TUBGCP5: variants seen among roughly 807,000 people sequenced by gnomAD.
TUBGCP5 encodes the protein gamma-tubulin complex component 5.
TUBGCP5 carries 98 observed loss-of-function variants against 134.7 expected under a neutral mutation model. The ratio of observed to expected loss-of-function variants is 0.73; its 90% CI spans 0.62 to 0.86. The LOEUF (loss-of-function observed/expected upper bound fraction) is 0.86, where lower values mean the gene tolerates loss of function less well. Ranked by LOEUF, TUBGCP5 falls within the 40% of genes least tolerant of loss-of-function variation. TUBGCP5 has a pLI of 0.00. For synonymous variants in TUBGCP5, 456 were observed against 431.4 expected, an observed-to-expected ratio of 1.06 and a Z score of -0.71; for missense variants, 1,150 against 1,244.8, an observed-to-expected ratio of 0.92 and a Z score of 1.15.
At position 23,011,180 on chromosome 15, in the gene TUBGCP5, A is replaced by G. The variant is rs780394282; in HGVS notation, c.1908T>C (p.Leu636=). ...GTGGATCATGAACATCATCCAGTTCAAGATGGCTTTCAGCAATGGACTGCA... is the reference window on the plus strand; with the variant it reads ...GTGGATCATGAACATCATCCAGTTCGAGATGGCTTTCAGCAATGGACTGCA... The part of the protein sequence containing the change: ...MKMQSIAESH[L]ELDDVHDPLL... The change falls in exon 14 of 23, where the codon CTT becomes CTC. Residue 636 remains leucine, a synonymous_variant. Transcript: ENST00000615383. 1 of 1,614,022 alleles carries G rather than the reference A, an allele frequency of 6.2e-7. No homozygotes were observed. Among genetic ancestry groups the G allele is most frequent in the Non-Finnish European group, 8.5e-7 (1 of 1,180,008 alleles).
At chr15:22,986,139 A>AT (rs2063672439) in intron 23 of TUBGCP5, among the ~76,000 whole-genome samples, 2 of 131,510 alleles carry the variant, frequency 1.5e-5, no homozygotes, top group African/African-American at 6.2e-5. Flanking sequence ...GTCTCAAAAA[A>AT]AAAAAAAAAA....
intron 19 of TUBGCP5, 119 bp downstream of exon 19, chr15:23,005,311 TAC>T: frequency 8.7e-7 from 1 of 1,149,512 alleles, no homozygotes; most frequent in South Asian, 1.7e-5. Context: ...TCAAATTTGC[TAC>T]ATGTCCCGTT....
intron 10 of TUBGCP5, chr15:23,023,539 T>C (rs2065828615): frequency 6.1e-6 from 1 of 163,690 alleles, no homozygotes; most frequent in African/African-American, 2.4e-5. Flanking sequence ...TCTTCATATA[T>C]GTATGGTATT....
intron 23 of TUBGCP5, among the ~76,000 whole-genome samples, chr15:22,989,399 C>T (rs1056677376): frequency 2.6e-5 from 4 of 152,156 alleles, no homozygotes; most frequent in Admixed American, 1.3e-4. Flanking sequence ...TCTAGCAACA[C>T]GAGGTGTGTG....
chr15:23,005,647 G>A (rs764940447), intron 18 of TUBGCP5, 37 bp from the exon 19 acceptor site: 36 of 1,592,836 alleles, frequency 2.3e-5, no homozygotes, highest in Non-Finnish European at 3.1e-5. Context: ...GACAGAAAGA[G>A]CATCAACTCA....
In TUBGCP5 at chr15:23,033,108, T is replaced by C. The variant is rs183528854; in HGVS notation, c.310-284A>G. 2.2e-4 allele frequency among the ~76,000 whole-genome samples: 34 copies of C among 152,324 alleles called. No individual in the cohort carries two copies. The East Asian group carries it at 6.6e-3, about 29-fold the overall frequency. On this transcript the variant is annotated intron_variant, in intron 3 of 22. Coordinates refer to ENST00000615383, the MANE Select transcript of TUBGCP5 (RefSeq NM_052903.6). ...ATTTCTAAAACGACGGAAATGTCTTTAGAGTATAACATTATGGTTAAAAAT... is the reference window on the plus strand; with the variant it reads ...ATTTCTAAAACGACGGAAATGTCTTCAGAGTATAACATTATGGTTAAAAAT...
At chr15:22,984,940 A>T (rs1461896398) in intron 23 of TUBGCP5, among the ~76,000 whole-genome samples, 1 of 152,230 alleles carries the variant, frequency 6.6e-6, no homozygotes, top group African/African-American at 2.4e-5. Flanking sequence ...GTGAAAAGAC[A>T]TAGACAATAT....
In TUBGCP5 at chr15:22,999,809, G is replaced by C. The variant is rs146068854; in HGVS notation, c.*11C>G. On this transcript the variant is annotated 3_prime_UTR_variant, in exon 23 of 23. Transcript: ENST00000615383. ...TGACAAAGTCGGAGATATTTATTAC[G>C]CTGAAGACATTTAACTTTGTTCCAT... 1 of 1,612,160 alleles carries C rather than the reference G, an allele frequency of 6.2e-7. No individual in the cohort carries two copies. Among genetic ancestry groups the C allele is most frequent in the South Asian group, 1.1e-5 (1 of 91,044 alleles).
rs60178499 is a variant in TUBGCP5, at chr15:22,985,834, C to CA, written c.*62-2224dup. Among the ~76,000 whole-genome samples the CA allele has an allele frequency of 8.0e-3, 1,189 of 149,324 alleles. 17 individuals are homozygous for CA. Among genetic ancestry groups the CA allele is most frequent in the African/African-American group, 0.026 (1,043 of 40,484 alleles). ...TGGGCGACAGAGTGAGACTCCATCTCAAAAAAAAGAAATAATAGGCCGGGC... is the reference window on the plus strand; with the variant it reads ...TGGGCGACAGAGTGAGACTCCATCTCAAAAAAAAAGAAATAATAGGCCGGGC... On this transcript the variant is annotated intron_variant and NMD_transcript_variant, in intron 23 of 23. Transcript: ENST00000614508.
At position 23,039,501 on chromosome 15, in the gene TUBGCP5, G is replaced by A; in HGVS notation, c.43C>T (p.Gln15Ter). 1 of 1,511,568 alleles carries A rather than the reference G, an allele frequency of 6.6e-7. No homozygotes were observed. The highest frequency in any genetic ancestry group is 2.7e-5 in the East Asian group (1 of 36,820). The allele number at this position is 1,511,568 out of a possible 1,614,324, so 93.6% of individuals were successfully genotyped here. A position where few individuals can be genotyped will look rare whatever the true frequency, so the allele number is the denominator to read the frequency against. Residue 15 changes from glutamine to a stop codon, truncating the protein, a stop_gained, in exon 1 of 23, where the codon CAG becomes TAG. Transcript: ENST00000615383. LOFTEE classifies it high-confidence loss of function. ...ACGAGCTCCCGCACGTCGCGCTCCT[G>A]CTGCGCGTCCAACCGACTCCACGGT... ...GPPWSRLDAQ[Q>*]ERDVRELVRG...
chr15:23,024,221 C>A (rs1034653878), intron 9 of TUBGCP5, 28 bp from the exon 10 acceptor site: 8 of 1,604,194 alleles, frequency 5.0e-6, no homozygotes, highest in Non-Finnish European at 8.5e-7. Flanking sequence ...TGCAATTATT[C>A]AAAGGTGGTC....
At chr15:23,019,878 T>G (rs1225686567) in intron 11 of TUBGCP5, among the ~76,000 whole-genome samples, 2 of 151,932 alleles carry the variant, frequency 1.3e-5, no homozygotes, top group Non-Finnish European at 2.9e-5. Context: ...ACTGGGAAAC[T>G]TGAGAGTGAA....
downstream of TUBGCP5, among the ~76,000 whole-genome samples, chr15:22,998,310 A>G (rs1018023391): frequency 6.6e-6 from 1 of 152,148 alleles, no homozygotes. Flanking sequence ...GTGAGCCTCC[A>G]CATTTCAAAA....
chr15:23,014,371 C>A (rs1365678095), intron 13 of TUBGCP5, among the ~76,000 whole-genome samples: 1 of 152,206 alleles, frequency 6.6e-6, no homozygotes, highest in South Asian at 2.1e-4. Context: ...CCATAGGCAG[C>A]GCCTGGGAGT....
chr15:23,030,184 G>A (rs1271248028), intron 6 of TUBGCP5, among the ~76,000 whole-genome samples: 6 of 152,040 alleles, frequency 3.9e-5, no homozygotes, highest in African/African-American at 1.2e-4. Flanking sequence ...AACAGAGTGA[G>A]ACCCTTGTCT....
intron 10 of TUBGCP5, 162 bp downstream of exon 10, chr15:23,023,785 T>A (rs1190691646): frequency 1.5e-6 from 1 of 657,288 alleles, no homozygotes; most frequent in African/African-American, 1.8e-5. Context: ...TTTAGAGATA[T>A]GAATGGCTTA....
rs202169764 is a variant in TUBGCP5, at chr15:23,000,313, CA to C, written c.3028+255del. On this transcript the variant is annotated intron_variant, in intron 22 of 22. Transcript: ENST00000615383. ...GTGTGACAGAAATCTATTCTGCCATCAACTTTATTTAATAGGAGTTTTAGAA... is the reference window on the plus strand; with the variant it reads ...GTGTGACAGAAATCTATTCTGCCATCACTTTATTTAATAGGAGTTTTAGAA... The C allele has an allele frequency of 2.2e-3, 2,838 of 1,274,064 alleles. 50 individuals carry two copies. The African/African-American group carries it at 0.04, about 18-fold the overall frequency. 78.9% of individuals were successfully genotyped at this position (1,274,064 alleles called of 1,614,324 possible).
chr15:23,016,898 C>G (rs2065351752), intron 13 of TUBGCP5, among the ~76,000 whole-genome samples: 1 of 149,368 alleles, frequency 6.7e-6, no homozygotes, highest in Non-Finnish European at 1.5e-5. Flanking sequence ...TACTGCAGCA[C>G]TATTCACACA....
chr15:23,039,426 C>A lies in TUBGCP5; in HGVS notation c.118G>T (p.Ala40Ser), dbSNP rs764022602. The A allele has an allele frequency of 4.6e-6, 7 of 1,528,150 alleles. No homozygotes were observed. In the East Asian group the frequency reaches 1.6e-4, roughly 34 times the overall value. 94.7% of individuals were successfully genotyped at this position (1,528,150 alleles called of 1,614,324 possible). Residue 40 changes from alanine to serine, a missense_variant, in exon 1 of 23, where the codon GCC (alanine) becomes TCC (serine). Around this residue, in one of 2 missense-constraint regions of TUBGCP5, gnomAD observed 453 missense variants for 394.7 expected, o/e 1.15. Coordinates refer to ENST00000615383, the MANE Select transcript of TUBGCP5 (RefSeq NM_052903.6). ...AAGTTGGACCAGGCGAAGTTTAGGG[C>A]GAGCTGGAAGTTGGGGTCTGCCTCG... Reference protein sequence around the residue: ...QDEADPNFQLALNFAWSNFRF... With the variant: ...QDEADPNFQLSLNFAWSNFRF...
Sources: gnomAD v4.1 joint callset for allele counts (sites outside exome capture counted in the v4.1 genomes callset) on GRCh38, gnomAD v4.1.1 for gene constraint, gnomAD v4.1.1 regional missense constraint, MANE v1.5 for transcripts, NCBI Gene and HGNC (gene_info 2026-07-23, HGNC 2026-07-21) for gene names.